The following ZXDC variants were observed in gnomAD, a reference collection of about 807,000 sequenced individuals.
ZXDC encodes ZXD family zinc finger C, also known as zinc finger protein ZXDC.
Under a neutral mutation model 63.6 loss-of-function variants are expected in ZXDC, and 58 were observed. The observed-to-expected ratio is 0.91, with a 90% confidence interval of 0.74 to 1.13. The LOEUF (loss-of-function observed/expected upper bound fraction) is 1.13. ZXDC is among the 50% of genes most tolerant of loss of function. ZXDC has a pLI of 0.00. For missense variants in ZXDC, 1,133 were observed against 1,148.9 expected, an observed-to-expected ratio of 0.99 and a Z score of 0.20; for synonymous variants, 561 against 496.1, an observed-to-expected ratio of 1.13 and a Z score of -1.74.
chr3:126,475,840 GC>G lies in ZXDC; in HGVS notation c.25del (p.Ala9ProfsTer115). 9.3e-7 allele frequency: 1 copy of G among 1,080,062 alleles called. No homozygotes were observed. Among genetic ancestry groups the G allele is most frequent in the Non-Finnish European group, 1.1e-6 (1 of 891,962 alleles). 66.9% of individuals were successfully genotyped at this position (1,080,062 alleles called of 1,614,324 possible). MDLPALLPAPTARGGQHGG... is the reference protein window; with the variant it reads MDLPALLPXPTARGGQHGG... ...ATGTTGCCCTCCGCGCGCAGTCGGG[GC>G]GGGGAGCAGCGCCGGGAGGTCCATC... is the stretch of plus-strand genomic sequence containing the variant. On this transcript the variant is annotated frameshift_variant, in exon 1 of 10. Transcript: ENST00000389709. LOFTEE classifies it high-confidence loss of function.
At chr3:126,452,191 G>C in intron 7 of ZXDC, 1 of 985,394 alleles carries the variant, frequency 1.0e-6, no homozygotes, top group Non-Finnish European at 1.2e-6. Context: ...CATGCTTTCA[G>C]CTGCCACAGC....
At position 126,472,173 on chromosome 3, in the gene ZXDC, A is replaced by C; in HGVS notation, c.1040T>G (p.Ile347Ser). ...KQYDKACRLK[I>S]HLRSHTGERP... ...ATTACCTGTATGGCTCCGCAGGTGA[A>C]TTTTCAGCCGACAGGCTTTATCATA... Residue 347 changes from isoleucine (I) to serine (S), a missense_variant, in exon 2 of 10, where the codon ATT (isoleucine) becomes AGT (serine). Transcript: ENST00000389709. 6.2e-7 allele frequency: 1 copy of C among 1,610,030 alleles called. No individual in the cohort carries two copies. The highest frequency in any genetic ancestry group is 8.5e-7 in the Non-Finnish European group (1 of 1,176,458).
intron 5 of ZXDC, among the ~76,000 whole-genome samples, chr3:126,464,132 C>G (rs145089977): frequency 6.6e-6 from 1 of 152,176 alleles, no homozygotes; most frequent in African/African-American, 2.4e-5. Flanking sequence ...GCAAATGATA[C>G]CCACTTATTA....
At chr3:126,472,087 C>T (rs748036546) in intron 2 of ZXDC, 36 bp from the exon 3 acceptor site, 2 of 1,609,620 alleles carry the variant, frequency 1.2e-6, no homozygotes, top group Admixed American at 1.7e-5. Context: ...ATAAAATTTA[C>T]AACTCCAACA....
At chr3:126,462,330 C>G (rs929427568) in intron 5 of ZXDC, 110 bp from the exon 6 acceptor site, 1 of 1,454,200 alleles carries the variant, frequency 6.9e-7, no homozygotes, top group Non-Finnish European at 9.0e-7. Flanking sequence ...ACTGACTGTC[C>G]TCTTCCCACA....
chr3:126,461,904 T>C lies in ZXDC; in HGVS notation c.1758A>G (p.Thr586=), dbSNP rs780684937. The C allele has an allele frequency of 7.9e-5, 128 of 1,614,082 alleles. No homozygotes were observed. Among genetic ancestry groups the C allele is most frequent in the Admixed American group, 1.8e-4 (11 of 60,012 alleles). ...TGCCCTGCTGCAGAACCGTGGCTGCTGTCCCGAGAACCAGAGGGCTGTCCA... is the reference window on the plus strand; with the variant it reads ...TGCCCTGCTGCAGAACCGTGGCTGCCGTCCCGAGAACCAGAGGGCTGTCCA... ...PSLDSPLVLG[T]AATVLQQGSF... is the part of the protein sequence containing the mutation. Residue 586 remains threonine (T), a synonymous_variant, in exon 6 of 10, where the codon ACA becomes ACG. Coordinates refer to ENST00000389709, the MANE Select transcript of ZXDC (RefSeq NM_025112.5).
chr3:126,474,732 T>TG (rs1230005131), intron 1 of ZXDC, among the ~76,000 whole-genome samples: 3 of 152,376 alleles, frequency 2.0e-5, no homozygotes, highest in African/African-American at 7.2e-5. Context: ...CCGCCACCTT[T>TG]GGGAAGCGCA....
rs73859279 is a variant in ZXDC, at chr3:126,441,368, C to T, written c.2394+397G>A. 1.1e-3 allele frequency: 1,098 copies of T among 1,028,524 alleles called. 11 individuals carry two copies. In the African/African-American group the frequency reaches 0.016, roughly 15 times the overall value. The allele number at this position is 1,028,524 out of a possible 1,614,324, so 63.7% of individuals were successfully genotyped here. On this transcript the variant is annotated intron_variant, in intron 8 of 9. Coordinates refer to ENST00000389709, the MANE Select transcript of ZXDC (RefSeq NM_025112.5). Reference sequence around the variant, plus strand: ...CGCCCTAGAAATGGGGTGGCTGAGACGGCCTGCGGAGCCCTTTTGCCCCAG... The same window carrying T: ...CGCCCTAGAAATGGGGTGGCTGAGATGGCCTGCGGAGCCCTTTTGCCCCAG...
rs768554985 is a variant in ZXDC at position 126,475,135 on chromosome 3, C to T, written c.731G>A (p.Gly244Asp). 6.8e-6 allele frequency: 11 copies of T among 1,609,464 alleles called. No individual in the cohort carries two copies. In the Admixed American group the frequency reaches 8.4e-5, roughly 12 times the overall value. ...GACCGTAGTGAACTTCTTGCCACAG[C>T]CGCCCACTGGACAGCCGAAGGGCCG... ...KLRPFGCPVG[G>D]CGKKFTTVYN... The change falls in exon 1 of 10, where the codon GGC becomes GAC. Residue 244 changes from glycine to aspartate, a missense_variant. Coordinates refer to ENST00000389709, the MANE Select transcript of ZXDC (RefSeq NM_025112.5).
chr3:126,471,079 T>A (rs866372903), intron 3 of ZXDC, 54 bp from the exon 4 acceptor site: 23 of 1,574,466 alleles, frequency 1.5e-5, no homozygotes, highest in South Asian at 1.0e-4. Flanking sequence ...TCACCATAAT[T>A]CTTTAAAATT....
In ZXDC at chr3:126,465,790, A is replaced by G. The variant is rs556186355; in HGVS notation, c.1441+365T>C. On this transcript the variant is annotated intron_variant, in intron 5 of 9. Transcript: ENST00000389709. ...ACATAGTGAAACCCTGTCTCTATAA[A>G]AAATGCAAAAATTAGCTGGGCATGG... Among the ~76,000 whole-genome samples, 5 of 152,302 alleles carry G rather than the reference A, an allele frequency of 3.3e-5. No homozygotes were observed. The South Asian group carries it at 1.0e-3, about 32-fold the overall frequency.
chr3:126,452,368 T>A, intron 7 of ZXDC: 1 of 985,408 alleles, frequency 1.0e-6, no homozygotes, highest in Non-Finnish European at 1.2e-6. Context: ...CTTTCCTTCA[T>A]CCCACGTCTG....
At chr3:126,452,814 C>A (rs1377790767) in intron 7 of ZXDC, among the ~76,000 whole-genome samples, 1 of 151,492 alleles carries the variant, frequency 6.6e-6, no homozygotes, top group Non-Finnish European at 1.5e-5. Context: ...TCCTAGCTCA[C>A]GACAACCTCC....
intron 3 of ZXDC, among the ~76,000 whole-genome samples, chr3:126,471,769 G>C (rs945541302): frequency 2.0e-5 from 3 of 151,310 alleles, no homozygotes; most frequent in African/African-American, 7.3e-5. Context: ...TTTAAAAAAA[G>C]TATACACAGA....
At chr3:126,464,297 G>T (rs1409523275) in intron 5 of ZXDC, among the ~76,000 whole-genome samples, 1 of 152,202 alleles carries the variant, frequency 6.6e-6, no homozygotes, top group Non-Finnish European at 1.5e-5. Context: ...TCAAAGCCCA[G>T]CCCCAGCCCT....
At chr3:126,457,400 GAA>G in intron 7 of ZXDC, 4 of 985,436 alleles carry the variant, frequency 4.1e-6, no homozygotes, top group Non-Finnish European at 4.8e-6. Context: ...GCATGTTTTG[GAA>G]AAGAGACGGT....
intron 7 of ZXDC, chr3:126,450,332 C>T (rs1173641398): frequency 2.2e-6 from 1 of 456,746 alleles, no homozygotes; most frequent in Non-Finnish European, 4.4e-6. Flanking sequence ...CAAGAGCAGA[C>T]AGCTCCCACT....
intron 7 of ZXDC, chr3:126,442,355 C>A: frequency 6.4e-6 from 1 of 157,334 alleles, no homozygotes; most frequent in Non-Finnish European, 1.4e-5. Flanking sequence ...CTCCATACCC[C>A]ACCTGTGGGT....
rs1935128078 is a variant in ZXDC, at chr3:126,474,997, T to C, written c.869A>G (p.His290Arg). 6.3e-7 allele frequency: 1 copy of C among 1,594,444 alleles called. No individual in the cohort carries two copies. Among genetic ancestry groups the C allele is most frequent in the East Asian group, 2.3e-5 (1 of 43,990 alleles). ...HAKLSSHQRS[H>R]FEPERPYKCD... Reference sequence around the variant, plus strand: ...CTTGTAAGGGCGCTCGGGCTCGAAGTGGCTGCGCTGGTGGGAGCTGAGCTT... The same window carrying C: ...CTTGTAAGGGCGCTCGGGCTCGAAGCGGCTGCGCTGGTGGGAGCTGAGCTT... The change falls in exon 1 of 10, where the codon CAC becomes CGC. Residue 290 changes from histidine (H) to arginine (R), a missense_variant. Transcript: ENST00000389709.
Sources: gnomAD v4.1 joint callset for allele counts (sites outside exome capture counted in the v4.1 genomes callset) on GRCh38, gnomAD v4.1.1 for gene constraint, MANE v1.5 for transcripts, NCBI Gene and HGNC (gene_info 2026-07-23, HGNC 2026-07-21) for gene names.